Variants in PRR16 observed in about 807,000 individuals in gnomAD.
PRR16 encodes proline rich 16, also known as protein Largen.
PRR16 carries 6 observed loss-of-function variants against 18.2 expected under a neutral mutation model. The ratio of observed to expected loss-of-function variants is 0.33; its 90% CI spans 0.18 to 0.65. The LOEUF (loss-of-function observed/expected upper bound fraction) is 0.65, where lower values mean the gene tolerates loss of function less well. Among genes scored for constraint, PRR16 ranks in the 30% least tolerant of loss-of-function variants. PRR16 has a pLI of 0.74. For synonymous variants in PRR16, 151 were observed against 147.8 expected (o/e 1.02, Z -0.16); for missense variants, 412 against 376.6 (o/e 1.09, Z -0.78).
the PRR16 span, among the ~76,000 whole-genome samples, chr5:120,793,449 A>G: frequency 6.6e-6 from 1 of 152,194 alleles, no homozygotes; most frequent in Non-Finnish European, 1.5e-5. Context: ...AAGGGTGACT[A>G]GTGGATAAAA....
the PRR16 span, among the ~76,000 whole-genome samples, chr5:120,729,393 A>AT: frequency 0.029 from 4,435 of 152,202 alleles, 92 homozygotes; most frequent in Middle Eastern, 0.12. Context: ...TCTTAATATA[A>AT]TTTTGAGAGT....
chr5:120,789,481 C>G, the PRR16 span, among the ~76,000 whole-genome samples: 1 of 151,938 alleles, frequency 6.6e-6, no homozygotes, highest in South Asian at 2.1e-4. Flanking sequence ...AAAAATAACC[C>G]TTTTTTAATC....
chr5:120,676,075 T>C (rs915744939), intron 1 of PRR16, among the ~76,000 whole-genome samples: 5 of 152,208 alleles, frequency 3.3e-5, no homozygotes, highest in African/African-American at 1.2e-4. Flanking sequence ...ATTTACTTTC[T>C]GACAGTATGA....
chr5:120,788,514 G>T, the PRR16 span, among the ~76,000 whole-genome samples: 1 of 151,890 alleles, frequency 6.6e-6, no homozygotes, highest in Non-Finnish European at 1.5e-5. Context: ...TGGGACTATT[G>T]CTTGTTCATT....
intron 1 of PRR16, among the ~76,000 whole-genome samples, chr5:120,627,605 C>T (rs944956410): frequency 6.6e-6 from 1 of 151,938 alleles, no homozygotes; most frequent in Non-Finnish European, 1.5e-5. Flanking sequence ...TTTTTCACTA[C>T]TGGGCTTTAA....
At chr5:120,606,684 C>T (rs1240611883) in intron 1 of PRR16, among the ~76,000 whole-genome samples, 3 of 152,072 alleles carry the variant, frequency 2.0e-5, no homozygotes, top group Non-Finnish European at 4.4e-5. Context: ...GGGAGAATTA[C>T]TTGAGACCAG....
chr5:120,777,295 C>T, the PRR16 span, among the ~76,000 whole-genome samples: 1 of 152,194 alleles, frequency 6.6e-6, no homozygotes, highest in East Asian at 1.9e-4. Flanking sequence ...TGCTTGTTAA[C>T]ATTTATCAAT....
the PRR16 span, among the ~76,000 whole-genome samples, chr5:120,728,676 T>G: frequency 1.3e-5 from 2 of 152,214 alleles, no homozygotes; most frequent in Admixed American, 6.5e-5. Flanking sequence ...AAATGCTTCA[T>G]CTGTCTGTCA....
At chr5:120,737,310 T>G in the PRR16 span, among the ~76,000 whole-genome samples, 10 of 5,442 alleles carry the variant, frequency 1.8e-3, no homozygotes, top group Middle Eastern at 0.05. Flanking sequence ...TTGTTGAGTT[T>G]TTTTTTTTTT....
chr5:120,762,754 CT>C, the PRR16 span, among the ~76,000 whole-genome samples: 85,433 of 151,964 alleles, frequency 0.56, 24,617 homozygotes, highest in East Asian at 0.79. Flanking sequence ...TGACTGTTTC[CT>C]TTGTTGTGCA....
intron 1 of PRR16, among the ~76,000 whole-genome samples, chr5:120,593,574 C>CA (rs1348970861): frequency 1.3e-5 from 2 of 151,524 alleles, no homozygotes; most frequent in African/African-American, 2.4e-5. Context: ...ATCAGATGTA[C>CA]AAAAAAAGAG....
the PRR16 span, among the ~76,000 whole-genome samples, chr5:120,751,636 A>G: frequency 6.6e-6 from 1 of 152,256 alleles, no homozygotes. Flanking sequence ...AAGAAATATA[A>G]TAAGTAAAAT....
intron 1 of PRR16, among the ~76,000 whole-genome samples, chr5:120,568,783 C>T (rs1752814007): frequency 6.6e-6 from 1 of 151,996 alleles, no homozygotes; most frequent in African/African-American, 2.4e-5. Flanking sequence ...AGGATTTAGA[C>T]ATTAATTGTC....
chr5:120,570,232 T>C (rs1752863648), intron 1 of PRR16, among the ~76,000 whole-genome samples: 1 of 152,144 alleles, frequency 6.6e-6, no homozygotes. Context: ...GAACCAGTGA[T>C]ACCTGTGGAT....
At chr5:120,701,650 T>G in the PRR16 span, among the ~76,000 whole-genome samples, 1 of 151,822 alleles carries the variant, frequency 6.6e-6, no homozygotes, top group Non-Finnish European at 1.5e-5. Flanking sequence ...AGGAGCAGCC[T>G]GGAGAGGAAA....
the PRR16 span, among the ~76,000 whole-genome samples, chr5:120,693,710 A>G: frequency 6.6e-6 from 1 of 152,234 alleles, no homozygotes; most frequent in African/African-American, 2.4e-5. Context: ...TGTTATTTGC[A>G]TGGGATAAAA....
chr5:120,588,602 A>G (rs536449730), intron 1 of PRR16, among the ~76,000 whole-genome samples: 1 of 152,332 alleles, frequency 6.6e-6, no homozygotes, highest in Admixed American at 6.5e-5. Context: ...ACATAATGCT[A>G]TTACATACAT....
intron 1 of PRR16, among the ~76,000 whole-genome samples, chr5:120,635,842 G>A (rs978782590): frequency 2.6e-5 from 4 of 152,088 alleles, no homozygotes; most frequent in Non-Finnish European, 5.9e-5. Flanking sequence ...GCTGTTTGCT[G>A]ATGGTATGAC....
intron 1 of PRR16, among the ~76,000 whole-genome samples, chr5:120,624,768 C>A (rs947971129): frequency 2.0e-5 from 3 of 152,030 alleles, no homozygotes; most frequent in Non-Finnish European, 4.4e-5. Flanking sequence ...GCTCTGTGTC[C>A]CCACTCAAAT....
Sources: allele counts gnomAD v4.1 joint callset (sites outside exome capture counted in the v4.1 genomes callset), GRCh38; gene constraint gnomAD v4.1.1; transcripts MANE v1.5; gene names NCBI Gene and HGNC (gene_info 2026-07-23, HGNC 2026-07-21).